Variants in KIF23 observed in about 807,000 individuals in gnomAD.
KIF23 encodes the protein kinesin-like protein KIF23.
In KIF23, 30 loss-of-function variants were observed where a neutral mutation model predicts 137.5. The observed-to-expected ratio is 0.22, with a 90% confidence interval of 0.16 to 0.30. KIF23 has a LOEUF of 0.30. Ranked by LOEUF, KIF23 falls within the 10% of genes least tolerant of loss-of-function variation. The probability of loss-of-function intolerance (pLI) is 1.00; values close to 1 mark genes in which losing one functional copy is unlikely to be tolerated. For synonymous variants in KIF23, 367 were observed against 391.1 expected (o/e 0.94, Z 0.73); for missense variants, 920 against 1,194.3 (o/e 0.77, Z 3.38).
chr15:69,418,615 A>G (rs1030312741), intron 3 of KIF23, among the ~76,000 whole-genome samples: 1 of 152,108 alleles, frequency 6.6e-6, no homozygotes, highest in East Asian at 1.9e-4. Flanking sequence ...TTCCATCTCC[A>G]CTGCCACCAC....
intron 15 of KIF23, 78 bp from the exon 16 acceptor site, chr15:69,438,170 A>T: frequency 8.2e-7 from 1 of 1,221,912 alleles, no homozygotes; most frequent in Non-Finnish European, 1.1e-6. Flanking sequence ...CATTTTATCT[A>T]GTGTCTGCTA....
intron 3 of KIF23, among the ~76,000 whole-genome samples, chr15:69,421,142 C>T (rs985728604): frequency 2.6e-5 from 4 of 152,114 alleles, no homozygotes; most frequent in Admixed American, 2.0e-4. Flanking sequence ...CCTGTAATCC[C>T]AGCACTTTGG....
intron 10 of KIF23, chr15:69,426,751 T>C: frequency 3.3e-6 from 1 of 301,590 alleles, no homozygotes; most frequent in Non-Finnish European, 6.2e-6. Context: ...GAGGTTTTAT[T>C]GCAATGAAGA....
chr15:69,442,956 G>A (rs2057656527), intron 19 of KIF23, among the ~76,000 whole-genome samples: 1 of 152,206 alleles, frequency 6.6e-6, no homozygotes, highest in Admixed American at 6.5e-5. Context: ...CTAGTAGATT[G>A]TATGGATTAT....
rs578225555 is a variant in KIF23 at position 69,442,822 on chromosome 15, T to C, written c.2421+1743T>C. ...CGTGAAATCAAAATCTCTTTAGAAG[T>C]GCAGCAGAAAAGTTACTGTAAGGTT... On this transcript the variant is annotated intron_variant, in intron 19 of 23. Coordinates refer to ENST00000679126, the MANE Select transcript of KIF23 (RefSeq NM_001367805.3). Among the ~76,000 whole-genome samples, 457 of 152,326 alleles carry C rather than the reference T, an allele frequency of 3.0e-3. 9 individuals are homozygous for C. Among genetic ancestry groups the C allele is most frequent in the Non-Finnish European group, 1.1e-3 (73 of 68,014 alleles).
In KIF23 at chr15:69,426,161, G is replaced by A; in HGVS notation, c.868G>A (p.Ala290Thr). ...TEVEVKSTEE[A>T]FEVFWRGQKK... ...AGTTGAAGTGAAATCTACTGAGGAG[G>A]CTTTTGAAGTTTTCTGGAGAGGTTA... Residue 290 changes from alanine to threonine, a missense_variant, in exon 9 of 24, where the codon GCT becomes ACT. Coordinates refer to ENST00000679126, the MANE Select transcript of KIF23 (RefSeq NM_001367805.3). 1 of 1,608,926 alleles carries A rather than the reference G, an allele frequency of 6.2e-7. No individual in the cohort carries two copies.
chr15:69,445,231 T>G (rs367824744), intron 20 of KIF23, among the ~76,000 whole-genome samples, 190 bp downstream of exon 20: 16 of 152,206 alleles, frequency 1.1e-4, no homozygotes, highest in African/African-American at 3.4e-4. Flanking sequence ...TGGGACTAAG[T>G]ATGCTTTAAA....
At chr15:69,432,744 T>C (rs1051690494) in intron 11 of KIF23, among the ~76,000 whole-genome samples, 3 of 152,198 alleles carry the variant, frequency 2.0e-5, no homozygotes, top group African/African-American at 4.8e-5. Flanking sequence ...AGTAATTATG[T>C]GCTTCTTTAT....
At chr15:69,417,590 A>C in intron 3 of KIF23, 79 bp downstream of exon 3, 1 of 1,451,594 alleles carries the variant, frequency 6.9e-7, no homozygotes, top group Non-Finnish European at 9.3e-7. Flanking sequence ...GATGTAACAA[A>C]GTTCATTTGT....
At chr15:69,428,367 A>G (rs1393949191) in intron 10 of KIF23, among the ~76,000 whole-genome samples, 1 of 151,712 alleles carries the variant, frequency 6.6e-6, no homozygotes, top group Non-Finnish European at 1.5e-5. Context: ...TTTTTATAAG[A>G]ATTATTTGCT....
chr15:69,432,646 T>C (rs1015768611), intron 11 of KIF23, among the ~76,000 whole-genome samples: 6 of 152,094 alleles, frequency 3.9e-5, no homozygotes, highest in African/African-American at 1.4e-4. Context: ...CCTGGTATAG[T>C]ATTTCTGAAG....
At chr15:69,445,649 A>G (rs2057725171) in intron 20 of KIF23, among the ~76,000 whole-genome samples, 1 of 152,192 alleles carries the variant, frequency 6.6e-6, no homozygotes, top group Non-Finnish European at 1.5e-5. Context: ...GAATATGGGC[A>G]ACAGGGGGCA....
intron 3 of KIF23, among the ~76,000 whole-genome samples, chr15:69,419,696 G>A (rs2057005757): frequency 6.6e-6 from 1 of 152,088 alleles, no homozygotes; most frequent in African/African-American, 2.4e-5. Flanking sequence ...CTACCATAAT[G>A]TAAACTTCCA....
intron 3 of KIF23, among the ~76,000 whole-genome samples, chr15:69,417,894 GTTTTTA>G (rs1190593779): frequency 1.3e-5 from 2 of 152,056 alleles, no homozygotes; most frequent in African/African-American, 4.8e-5. Flanking sequence ...CCTATGCAGT[GTTTTTA>G]TTTTTAGTAA....
At chr15:69,421,536 C>A in intron 3 of KIF23, 111 bp from the exon 4 acceptor site, 1 of 655,712 alleles carries the variant, frequency 1.5e-6, no homozygotes, top group East Asian at 2.6e-5. Flanking sequence ...TATATTTTTT[C>A]TTTGCATGCT....
intron 18 of KIF23, 74 bp from the exon 19 acceptor site, chr15:69,440,694 C>T: frequency 7.6e-7 from 1 of 1,312,378 alleles, no homozygotes; most frequent in Non-Finnish European, 1.0e-6. Context: ...CATGTGCTAA[C>T]ATTATAGAAA....
In KIF23 at chr15:69,440,413, A is replaced by C. The variant is rs1360441968; in HGVS notation, c.2035A>C (p.Lys679Gln). 1.2e-6 allele frequency: 2 copies of C among 1,613,880 alleles called. No homozygotes were observed. Among genetic ancestry groups the C allele is most frequent in the Non-Finnish European group, 1.7e-6 (2 of 1,179,990 alleles). ...TATTGTTACCGAACCTAAAACTGAG[A>C]AGCCAGAGAGACCCTCTCGGGAGCG... The part of the protein sequence containing the change: ...KAIVTEPKTE[K>Q]PERPSRERDR... Residue 679 changes from lysine (K) to glutamine (Q), a missense_variant, in exon 18 of 24, where the codon AAG becomes CAG. Coordinates refer to ENST00000679126, the MANE Select transcript of KIF23 (RefSeq NM_001367805.3).
In KIF23 at chr15:69,446,348, C is replaced by A; in HGVS notation, c.2822C>A (p.Thr941Asn). ...CCAGATGGTGCAGAGTCTGAATGGA[C>A]CGATGTAGAAACAAGGGTAGGGGAA... is the stretch of plus-strand genomic sequence containing the variant. ...AQPDGAESEW[T>N]DVETRCSVAV... The change falls in exon 22 of 24, where the codon ACC becomes AAC. Residue 941 changes from threonine (T) to asparagine (N), a missense_variant. This residue lies in a region of KIF23 where 75 missense variants were observed against 177.9 expected (regional missense o/e 0.42). Transcript: ENST00000679126. 6.2e-7 allele frequency: 1 copy of A among 1,613,846 alleles called. No homozygotes were observed. Among genetic ancestry groups the A allele is most frequent in the Non-Finnish European group, 8.5e-7 (1 of 1,179,764 alleles).
In KIF23 at chr15:69,446,374, A is replaced by G; in HGVS notation, c.2838+10A>G. On this transcript the variant is annotated intron_variant, in intron 22 of 23. Transcript: ENST00000679126. ...CGATGTAGAAACAAGGGTAGGGGAA[A>G]AATTAAATATTTGTCTGCCTACTAA... is the stretch of plus-strand genomic sequence containing the variant. The G allele has an allele frequency of 1.2e-6, 2 of 1,607,564 alleles. No homozygotes were observed. Among genetic ancestry groups the G allele is most frequent in the East Asian group, 2.2e-5 (1 of 44,856 alleles).
Sources: allele counts gnomAD v4.1 joint callset (sites outside exome capture counted in the v4.1 genomes callset), GRCh38; gene constraint gnomAD v4.1.1; regional missense constraint gnomAD v4.1.1; transcripts MANE v1.5; gene names NCBI Gene and HGNC (gene_info 2026-07-23, HGNC 2026-07-21).